The following HSPB3 variants were observed in gnomAD, a reference collection of about 807,000 sequenced individuals.
HSPB3 encodes heat shock protein beta-3.
In HSPB3, 10 loss-of-function variants were observed where a neutral mutation model predicts 10.9. That is an observed-to-expected ratio of 0.91 (90% CI 0.56 to 1.55). HSPB3 has a LOEUF of 1.55. Among genes scored for constraint, HSPB3 ranks in the 40% most tolerant of loss-of-function variants. The pLI is 0.00. For synonymous variants in HSPB3, 73 were observed against 71.8 expected (o/e 1.02, Z -0.08); for missense variants, 176 against 184.1 (o/e 0.96, Z 0.25).
Position 54,456,063 on chromosome 5 carries a change from G to A in HSPB3, c.274G>A (p.Gly92Ser). The stretch of plus-strand genomic sequence containing the variant: ...AGACATCATCATTCAGACCTTCGAA[G>A]GCTGGCTGCTGATAAAAGCACAACA... ...PEDIIIQTFEGWLLIKAQHGT... is the reference protein window; with the variant it reads ...PEDIIIQTFESWLLIKAQHGT... Residue 92 changes from glycine to serine, a missense_variant, in exon 1 of 1, where the codon GGC (glycine) becomes AGC (serine). Physicochemically the swap from Gly to Ser is moderately conservative, Grantham distance 56. Transcript: ENST00000302005. 1 of 1,614,082 alleles carries A rather than the reference G, an allele frequency of 6.2e-7. No individual in the cohort carries two copies. Among genetic ancestry groups the A allele is most frequent in the Non-Finnish European group, 8.5e-7 (1 of 1,180,028 alleles).
Position 54,456,201 on chromosome 5 carries a change from A to AT in HSPB3, c.416dup (p.Leu139PhefsTer12). ...GTCTGCAGTCCTCTGTCATGATGGA[A>AT]TTTTGGTGGTGGAAGTAAAGGATCC... is the stretch of plus-strand genomic sequence containing the variant. On this transcript the variant is annotated frameshift_variant, in exon 1 of 1. Coordinates refer to ENST00000302005, the MANE Select transcript of HSPB3 (RefSeq NM_006308.3). LOFTEE classifies it high-confidence loss of function. 6.2e-7 allele frequency: 1 copy of AT among 1,614,182 alleles called. No individual in the cohort carries two copies. Among genetic ancestry groups the AT allele is most frequent in the Non-Finnish European group, 8.5e-7 (1 of 1,180,032 alleles).
In HSPB3 at chr5:54,456,205, TG is replaced by T; in HGVS notation, c.418del (p.Val140TrpfsTer4). The part of the protein sequence containing the change: ...LSAVLCHDGI[L>X]VVEVKDPVGT... ...GCAGTCCTCTGTCATGATGGAATTT[TG>T]GTGGTGGAAGTAAAGGATCCAGTTG... is the stretch of plus-strand genomic sequence containing the variant. On this transcript the variant is annotated frameshift_variant, in exon 1 of 1. Transcript: ENST00000302005. LOFTEE classifies it high-confidence loss of function. 6.2e-7 allele frequency: 1 copy of T among 1,614,212 alleles called. No individual in the cohort carries two copies. The highest frequency in any genetic ancestry group is 8.5e-7 in the Non-Finnish European group (1 of 1,180,026).
Position 54,456,164 on chromosome 5 carries a change from A to T in HSPB3, c.375A>T (p.Glu125Asp). The change falls in exon 1 of 1, where the codon GAA (glutamate) becomes GAT (aspartate). Residue 125 changes from glutamate to aspartate, a missense_variant. Coordinates refer to ENST00000302005, the MANE Select transcript of HSPB3 (RefSeq NM_006308.3). ...TRQYKLPDGV[E>D]IKDLSAVLCH... is the part of the protein sequence containing the mutation. ...AGTACAAACTACCAGATGGTGTGGA[A>T]ATCAAAGATTTGTCTGCAGTCCTCT... The T allele has an allele frequency of 3.1e-6, 5 of 1,614,196 alleles. No homozygotes were observed. The highest frequency in any genetic ancestry group is 4.2e-6 in the Non-Finnish European group (5 of 1,180,034).
chr5:54,456,207 G>C lies in HSPB3; in HGVS notation c.418G>C (p.Val140Leu). The change falls in exon 1 of 1, where the codon GTG becomes CTG. Residue 140 changes from valine (V) to leucine (L), a missense_variant. Val to Leu is a conservative substitution (Grantham distance 32, BLOSUM62 1). Coordinates refer to ENST00000302005, the MANE Select transcript of HSPB3 (RefSeq NM_006308.3). ...AGTCCTCTGTCATGATGGAATTTTG[G>C]TGGTGGAAGTAAAGGATCCAGTTGG... The part of the protein sequence containing the change: ...SAVLCHDGIL[V>L]VEVKDPVGTK 6.2e-7 allele frequency: 1 copy of C among 1,614,152 alleles called. No individual in the cohort carries two copies.
rs367560285 is a variant in HSPB3 at position 54,456,110 on chromosome 5, C to T, written c.321C>T (p.His107=). Residue 107 remains histidine (H), a synonymous_variant, in exon 1 of 1, where the codon CAC becomes CAT. Coordinates refer to ENST00000302005, the MANE Select transcript of HSPB3 (RefSeq NM_006308.3). ...KAQHGTRMDE[H]GFISRSFTRQ... Reference sequence around the variant, plus strand: ...AACACGGAACCAGAATGGATGAGCACGGTTTTATCTCAAGAAGCTTCACCC... The same window carrying T: ...AACACGGAACCAGAATGGATGAGCATGGTTTTATCTCAAGAAGCTTCACCC... The T allele has an allele frequency of 1.6e-4, 253 of 1,613,998 alleles. No homozygotes were observed. The highest frequency in any genetic ancestry group is 4.7e-4 in the Admixed American group (28 of 59,988).
In HSPB3 at chr5:54,456,281, G is replaced by A. The variant is rs749634714; in HGVS notation, c.*39G>A. 1.3e-6 allele frequency: 2 copies of A among 1,488,062 alleles called. No individual in the cohort carries two copies. The highest frequency in any genetic ancestry group is 2.3e-5 in the East Asian group (1 of 44,354). The allele number at this position is 1,488,062 out of a possible 1,614,324, so 92.2% of individuals were successfully genotyped here. ...CCTGTTCAGATGACATGGGGAAGAT[G>A]ATGGTTCAGCCACTGGTACTACGAG... is the stretch of plus-strand genomic sequence containing the variant. On this transcript the variant is annotated 3_prime_UTR_variant, in exon 1 of 1. Coordinates refer to ENST00000302005, the MANE Select transcript of HSPB3 (RefSeq NM_006308.3).
chr5:54,456,264 G>C lies in HSPB3; in HGVS notation c.*22G>C. 1 of 1,569,774 alleles carries C rather than the reference G, an allele frequency of 6.4e-7. No individual in the cohort carries two copies. Among genetic ancestry groups the C allele is most frequent in the African/African-American group, 1.3e-5 (1 of 74,124 alleles). On this transcript the variant is annotated 3_prime_UTR_variant, in exon 1 of 1. Coordinates refer to ENST00000302005, the MANE Select transcript of HSPB3 (RefSeq NM_006308.3). ...GTGACATCGTATCGGTTCCTGTTCA[G>C]ATGACATGGGGAAGATGATGGTTCA... is the stretch of plus-strand genomic sequence containing the variant.
Position 54,455,730 on chromosome 5 carries a change from G to C in HSPB3, c.-60G>C. ...TAGGCAACTGCAGGGGCTCGCCACT[G>C]ACTGAAGGCAGTGGAAGGTTGGCAG... On this transcript the variant is annotated 5_prime_UTR_variant, in exon 1 of 1. Transcript: ENST00000302005. 7.0e-7 allele frequency: 1 copy of C among 1,424,082 alleles called. No individual in the cohort carries two copies. The allele number at this position is 1,424,082 out of a possible 1,614,324, so 88.2% of individuals were successfully genotyped here.
At position 54,455,814 on chromosome 5, in the gene HSPB3, C is replaced by T. The variant is rs142691743; in HGVS notation, c.25C>T (p.Leu9Phe). The part of the protein sequence containing the change: MAKIILRH[L>F]IEIPVRYQEE... ...TATGGCAAAAATCATTTTGAGGCAC[C>T]TCATAGAGATTCCAGTGCGTTACCA... is the stretch of plus-strand genomic sequence containing the variant. The change falls in exon 1 of 1, where the codon CTC (leucine) becomes TTC (phenylalanine). Residue 9 changes from leucine (L) to phenylalanine (F), a missense_variant. By Grantham distance (22) the Leu-to-Phe change is conservative. Transcript: ENST00000302005. 1.7e-5 allele frequency: 27 copies of T among 1,614,102 alleles called. No individual in the cohort carries two copies. The highest frequency in any genetic ancestry group is 2.0e-5 in the Non-Finnish European group (24 of 1,180,016).
rs965779069 is a variant in HSPB3 at position 54,455,724 on chromosome 5, G to A, written c.-66G>A. 2.2e-5 allele frequency: 29 copies of A among 1,307,994 alleles called. No homozygotes were observed. Among genetic ancestry groups the A allele is most frequent in the Middle Eastern group, 2.1e-4 (1 of 4,828 alleles). 81.0% of individuals were successfully genotyped at this position (1,307,994 alleles called of 1,614,324 possible). A position where few individuals can be genotyped will look rare whatever the true frequency, so the allele number is the denominator to read the frequency against. ...AGTCAGTAGGCAACTGCAGGGGCTC[G>A]CCACTGACTGAAGGCAGTGGAAGGT... is the stretch of plus-strand genomic sequence containing the variant. On this transcript the variant is annotated 5_prime_UTR_variant, in exon 1 of 1. Transcript: ENST00000302005.
rs376650697 is a variant in HSPB3 at position 54,456,226 on chromosome 5, C to T, written c.437C>T (p.Pro146Leu). The change falls in exon 1 of 1, where the codon CCA becomes CTA. Residue 146 changes from proline (P) to leucine (L), a missense_variant. Physicochemically the swap from Pro to Leu is moderately conservative, Grantham distance 98. Transcript: ENST00000302005. ...DGILVVEVKD[P>L]VGTK is the part of the protein sequence containing the mutation. ...ATTTTGGTGGTGGAAGTAAAGGATC[C>T]AGTTGGGACTAAGTGACATCGTATC... The T allele has an allele frequency of 2.1e-5, 34 of 1,613,714 alleles. No individual in the cohort carries two copies. Among genetic ancestry groups the T allele is most frequent in the Non-Finnish European group, 2.6e-5 (31 of 1,179,750 alleles).
chr5:54,455,891 A>T lies in HSPB3; in HGVS notation c.102A>T (p.Leu34Phe). The T allele has an allele frequency of 1.2e-6, 2 of 1,614,104 alleles. No homozygotes were observed. The highest frequency in any genetic ancestry group is 1.7e-6 in the Non-Finnish European group (2 of 1,180,000). ...GLEDCRLDHA[L>F]YALPGPTIVD... ...AAGACTGCAGGCTGGATCATGCTTT[A>T]TATGCACTGCCTGGGCCAACCATCG... The change falls in exon 1 of 1, where the codon TTA becomes TTT. Residue 34 changes from leucine (L) to phenylalanine (F), a missense_variant. Leu to Phe is a conservative substitution (Grantham distance 22). Transcript: ENST00000302005.
rs2112803116 is a variant in HSPB3, at chr5:54,456,049, T to C, written c.260T>C (p.Ile87Thr). ...VVQFLPEDII[I>T]QTFEGWLLIK... ...CAGTTCCTCCCTGAAGACATCATCA[T>C]TCAGACCTTCGAAGGCTGGCTGCTG... The change falls in exon 1 of 1, where the codon ATT (isoleucine) becomes ACT (threonine). Residue 87 changes from isoleucine (I) to threonine (T), a missense_variant. By Grantham distance (89) the Ile-to-Thr change is moderately conservative (BLOSUM62 -1). Transcript: ENST00000302005. 1 of 1,613,984 alleles carries C rather than the reference T, an allele frequency of 6.2e-7. No individual in the cohort carries two copies. The highest frequency in any genetic ancestry group is 8.5e-7 in the Non-Finnish European group (1 of 1,180,016).
In HSPB3 at chr5:54,456,026, G is replaced by T. The variant is rs749936755; in HGVS notation, c.237G>T (p.Gln79His). ...TTCAGATCCTGCTGGACGTGGTCCA[G>T]TTCCTCCCTGAAGACATCATCATTC... ...SHFQILLDVV[Q>H]FLPEDIIIQT... The change falls in exon 1 of 1, where the codon CAG (glutamine) becomes CAT (histidine). Residue 79 changes from glutamine (Q) to histidine (H), a missense_variant. Physicochemically the swap from Gln to His is conservative, Grantham distance 24. Coordinates refer to ENST00000302005, the MANE Select transcript of HSPB3 (RefSeq NM_006308.3). 4.3e-6 allele frequency: 7 copies of T among 1,614,052 alleles called. No homozygotes were observed. Among genetic ancestry groups the T allele is most frequent in the Non-Finnish European group, 5.9e-6 (7 of 1,180,022 alleles).
At position 54,455,737 on chromosome 5, in the gene HSPB3, G is replaced by A. The variant is rs1274569025; in HGVS notation, c.-53G>A. ...CTGCAGGGGCTCGCCACTGACTGAA[G>A]GCAGTGGAAGGTTGGCAGAAGGAGG... On this transcript the variant is annotated 5_prime_UTR_variant, in exon 1 of 1. Transcript: ENST00000302005. 6.9e-7 allele frequency: 1 copy of A among 1,458,560 alleles called. No individual in the cohort carries two copies. Among genetic ancestry groups the A allele is most frequent in the African/African-American group, 1.4e-5 (1 of 71,968 alleles). The allele number at this position is 1,458,560 out of a possible 1,614,324, so 90.4% of individuals were successfully genotyped here.
chr5:54,456,318 T>G lies in HSPB3; in HGVS notation c.*76T>G. ...ACTGGTACTACGAGAATGTTTGTATTACCCACATTTGAAATGATTTGCTAT... is the reference window on the plus strand; with the variant it reads ...ACTGGTACTACGAGAATGTTTGTATGACCCACATTTGAAATGATTTGCTAT... On this transcript the variant is annotated 3_prime_UTR_variant, in exon 1 of 1. Coordinates refer to ENST00000302005, the MANE Select transcript of HSPB3 (RefSeq NM_006308.3). 9.2e-7 allele frequency: 1 copy of G among 1,085,532 alleles called. No homozygotes were observed. 67.2% of individuals were successfully genotyped at this position (1,085,532 alleles called of 1,614,324 possible). A position where few individuals can be genotyped will look rare whatever the true frequency, so the allele number is the denominator to read the frequency against.
chr5:54,455,782 C>T lies in HSPB3; in HGVS notation c.-8C>T. ...AGGAGGCTGTTCAAGGCTGTTTTTGCCTTCACTATGGCAAAAATCATTTTG... is the reference window on the plus strand; with the variant it reads ...AGGAGGCTGTTCAAGGCTGTTTTTGTCTTCACTATGGCAAAAATCATTTTG... On this transcript the variant is annotated 5_prime_UTR_variant, in exon 1 of 1. Transcript: ENST00000302005. 1.9e-6 allele frequency: 3 copies of T among 1,613,604 alleles called. No homozygotes were observed. The highest frequency in any genetic ancestry group is 2.5e-6 in the Non-Finnish European group (3 of 1,179,596).
At position 54,456,300 on chromosome 5, in the gene HSPB3, C is replaced by A; in HGVS notation, c.*58C>A. 2.3e-6 allele frequency: 3 copies of A among 1,291,280 alleles called. No individual in the cohort carries two copies. Among genetic ancestry groups the A allele is most frequent in the Non-Finnish European group, 3.4e-6 (3 of 885,842 alleles). The allele number at this position is 1,291,280 out of a possible 1,614,324, so 80.0% of individuals were successfully genotyped here. The stretch of plus-strand genomic sequence containing the variant: ...GAAGATGATGGTTCAGCCACTGGTA[C>A]TACGAGAATGTTTGTATTACCCACA... On this transcript the variant is annotated 3_prime_UTR_variant, in exon 1 of 1. Coordinates refer to ENST00000302005, the MANE Select transcript of HSPB3 (RefSeq NM_006308.3).
In HSPB3 at chr5:54,455,914, T is replaced by C. The variant is rs1374616557; in HGVS notation, c.125T>C (p.Ile42Thr). ...HALYALPGPT[I>T]VDLRKTRAAQ... is the part of the protein sequence containing the mutation. The stretch of plus-strand genomic sequence containing the variant: ...TTATATGCACTGCCTGGGCCAACCA[T>C]CGTGGACCTGAGGAAAACCAGGGCA... The change falls in exon 1 of 1, where the codon ATC becomes ACC. Residue 42 changes from isoleucine to threonine, a missense_variant. By Grantham distance (89) the Ile-to-Thr change is moderately conservative. Transcript: ENST00000302005. The C allele has an allele frequency of 2.2e-5, 35 of 1,613,918 alleles. No individual in the cohort carries two copies. The highest frequency in any genetic ancestry group is 2.8e-5 in the Non-Finnish European group (33 of 1,180,004).
Sources: allele counts gnomAD v4.1 joint callset, GRCh38; gene constraint gnomAD v4.1.1; transcripts MANE v1.5; gene names NCBI Gene and HGNC (gene_info 2026-07-23, HGNC 2026-07-21).